RPS9: variants seen among roughly 807,000 people sequenced by gnomAD.
The protein encoded by RPS9 is ribosomal protein S9.
Under a neutral mutation model 16.9 loss-of-function variants are expected in RPS9, and 1 was observed. The ratio of observed to expected loss-of-function variants is 0.06; its 90% CI spans 0.02 to 0.28. The LOEUF (loss-of-function observed/expected upper bound fraction) is 0.28, where lower values mean the gene tolerates loss of function less well. Ranked by LOEUF, RPS9 falls within the 10% of genes least tolerant of loss-of-function variation. RPS9 has a pLI of 1.00. For synonymous variants in RPS9, 106 were observed against 110.9 expected, an observed-to-expected ratio of 0.96 and a Z score of 0.28; for missense variants, 137 against 273.2, an observed-to-expected ratio of 0.50 and a Z score of 3.51.
intron 1 of RPS9, 67 bp downstream of exon 1, chr19:54,200,955 T>C (rs1379710051): frequency 4.2e-6 from 6 of 1,413,664 alleles, no homozygotes; most frequent in Non-Finnish European, 5.5e-6. Context: ...CTTCCGAGTT[T>C]CCATGAGTAA....
chr19:54,201,687 CA>C, intron 3 of RPS9, 78 bp downstream of exon 3: 2 of 1,587,308 alleles, frequency 1.3e-6, no homozygotes, highest in South Asian at 2.3e-5. Context: ...GCCTCTGTTC[CA>C]GTGATGAGAG....
chr19:54,203,243 G>A, intron 3 of RPS9: 2 of 983,550 alleles, frequency 2.0e-6, no homozygotes, highest in Non-Finnish European at 2.4e-6. Context: ...CAAGGCAGAA[G>A]TGAAAATTCC....
chr19:54,202,794 G>T (rs1211700670), intron 3 of RPS9: 1 of 985,274 alleles, frequency 1.0e-6, no homozygotes. Context: ...TCCATGTTAG[G>T]CGTTGAGAAA....
chr19:54,200,915 C>G (rs1321230145), intron 1 of RPS9, 27 bp downstream of exon 1: 1 of 1,232,314 alleles, frequency 8.1e-7, no homozygotes, highest in Non-Finnish European at 1.0e-6. Context: ...TGCTTTTTCT[C>G]TAGGGTTTGG....
intron 3 of RPS9, among the ~76,000 whole-genome samples, chr19:54,205,589 T>C (rs2077213832): frequency 6.6e-6 from 1 of 152,124 alleles, no homozygotes; most frequent in Non-Finnish European, 1.5e-5. Flanking sequence ...GGGCTGAGGA[T>C]ATGAACTCTT....
At chr19:54,207,261 G>GT (rs1205639158) in intron 4 of RPS9, 137 bp from the exon 5 acceptor site, 62 of 690,734 alleles carry the variant, frequency 9.0e-5, no homozygotes, top group Non-Finnish European at 1.5e-4. Context: ...GTAGGATCAG[G>GT]TGCACCCTTC....
At position 54,202,550 on chromosome 19, in the gene RPS9, C is replaced by T. The variant is rs959508021; in HGVS notation, c.220+941C>T. The T allele has an allele frequency of 1.0e-5, 10 of 981,300 alleles. No individual in the cohort carries two copies. In the Admixed American group the frequency reaches 3.7e-4, roughly 36 times the overall value. 60.8% of individuals were successfully genotyped at this position (981,300 alleles called of 1,614,324 possible). On this transcript the variant is annotated intron_variant, in intron 3 of 4. Transcript: ENST00000302907. ...ATCACATAGACTTAGGCTTACTTTA[C>T]TAATTGTGGTGAAATACACATTAAA...
At chr19:54,203,222 TTG>T in intron 3 of RPS9, 1 of 965,442 alleles carries the variant, frequency 1.0e-6, no homozygotes. Context: ...TGAGGGTTAT[TTG>T]TGGTTTTCCA....
At chr19:54,203,256 A>G (rs2077123118) in intron 3 of RPS9, 3 of 984,862 alleles carry the variant, frequency 3.0e-6, no homozygotes, top group African/African-American at 1.7e-5. Flanking sequence ...AAAATTCCCA[A>G]GGGGTACACA....
At chr19:54,202,978 G>A (rs1225792862) in intron 3 of RPS9, 1 of 968,816 alleles carries the variant, frequency 1.0e-6, no homozygotes, top group Non-Finnish European at 1.2e-6. Flanking sequence ...GGTTACAGGT[G>A]TAAGCCACCG....
At position 54,201,446 on chromosome 19, in the gene RPS9, G is replaced by A. The variant is rs2077047833; in HGVS notation, c.98-41G>A. ...AGCTGCCAGTCTAGTTGTTGTGCCA[G>A]TACGTGGGACTACACTTGTCCACCC... On this transcript the variant is annotated intron_variant, in intron 2 of 4. Transcript: ENST00000302907. The A allele has an allele frequency of 3.7e-6, 6 of 1,613,064 alleles. No homozygotes were observed. The African/African-American group carries it at 4.0e-5, about 11-fold the overall frequency.
chr19:54,206,514 T>G (rs1353161285), intron 4 of RPS9, 52 bp downstream of exon 4: 2 of 1,606,670 alleles, frequency 1.2e-6, no homozygotes, highest in African/African-American at 1.3e-5. Flanking sequence ...CCTCTGATGG[T>G]TGCCCTCACT....
rs1367414871 is a variant in RPS9 at position 54,206,732 on chromosome 19, C to G, written c.407+270C>G. On this transcript the variant is annotated intron_variant, in intron 4 of 4. Coordinates refer to ENST00000302907, the MANE Select transcript of RPS9 (RefSeq NM_001013.4). ...ATGTGGGCAGCTGGACAGGTAACAG[C>G]TCTTGGTGTCCCCAGTGGAGGGAGA... 9 of 1,479,040 alleles carry G rather than the reference C, an allele frequency of 6.1e-6. No homozygotes were observed. The East Asian group carries it at 2.2e-4, about 37-fold the overall frequency. 91.6% of individuals were successfully genotyped at this position (1,479,040 alleles called of 1,614,324 possible). A position where few individuals can be genotyped will look rare whatever the true frequency, so the allele number is the denominator to read the frequency against.
chr19:54,206,284 C>G lies in RPS9; in HGVS notation c.229C>G (p.Leu77Val). 1 of 1,612,776 alleles carries G rather than the reference C, an allele frequency of 6.2e-7. No individual in the cohort carries two copies. Among genetic ancestry groups the G allele is most frequent in the Non-Finnish European group, 8.5e-7 (1 of 1,178,864 alleles). Residue 77 changes from leucine (L) to valine (V), a missense_variant, in exon 4 of 5, where the codon CTG (leucine) becomes GTG (valine). Coordinates refer to ENST00000302907, the MANE Select transcript of RPS9 (RefSeq NM_001013.4). ...CCTCCCACTCTTCCCAGGCAACGCCCTGCTGCGGCGGCTGGTCCGCATTGG... is the reference window on the plus strand; with the variant it reads ...CCTCCCACTCTTCCCAGGCAACGCCGTGCTGCGGCGGCTGGTCCGCATTGG... ...DPRRLFEGNA[L>V]LRRLVRIGVL...
intron 3 of RPS9, chr19:54,202,930 T>C: frequency 9.3e-6 from 9 of 972,520 alleles, no homozygotes; most frequent in Non-Finnish European, 1.1e-5. Context: ...ACTCCTAACC[T>C]CAAGTGATCC....
chr19:54,206,181 C>G (rs545030469), intron 3 of RPS9, 95 bp from the exon 4 acceptor site: 30 of 1,277,112 alleles, frequency 2.3e-5, no homozygotes, highest in Non-Finnish European at 3.1e-5. Flanking sequence ...GCCTCACCGC[C>G]GCGGCATGGA....
chr19:54,207,031 T>TA (rs765106034), intron 4 of RPS9: 323 of 438,664 alleles, frequency 7.4e-4, no homozygotes, highest in Non-Finnish European at 1.2e-3. Context: ...TGCTGTGTTA[T>TA]TGTGGGCATT....
chr19:54,207,044 T>G (rs77232016), intron 4 of RPS9: 20,037 of 441,372 alleles, frequency 0.045, 1,321 homozygotes, highest in South Asian at 0.24. Context: ...TGGGCATTGC[T>G]GCTGCACGTG....
Position 54,201,144 on chromosome 19 carries a change from C to A in RPS9, c.-25-16C>A. 1 of 1,612,380 alleles carries A rather than the reference C, an allele frequency of 6.2e-7. No individual in the cohort carries two copies. The highest frequency in any genetic ancestry group is 8.5e-7 in the Non-Finnish European group (1 of 1,179,832). On this transcript the variant is annotated splice_polypyrimidine_tract_variant and intron_variant, in intron 1 of 4. Coordinates refer to ENST00000302907, the MANE Select transcript of RPS9 (RefSeq NM_001013.4). The stretch of plus-strand genomic sequence containing the variant: ...GCCGTTTGGATCCCTTACGCTCACA[C>A]TTCTCTCCCGCGCAGGCGCAGACGG...
Sources: gnomAD v4.1 joint callset for allele counts (sites outside exome capture counted in the v4.1 genomes callset) on GRCh38, gnomAD v4.1.1 for gene constraint, MANE v1.5 for transcripts, NCBI Gene and HGNC (gene_info 2026-07-23, HGNC 2026-07-21) for gene names.